The following TENM2 variants were observed in gnomAD, a reference collection of about 807,000 sequenced individuals.
TENM2 encodes the protein teneurin transmembrane protein 2.
TENM2 carries 52 observed loss-of-function variants against 245.2 expected under a neutral mutation model. The ratio of observed to expected loss-of-function variants is 0.21; its 90% CI spans 0.17 to 0.27. The LOEUF (loss-of-function observed/expected upper bound fraction) is 0.27. Ranked by LOEUF, TENM2 falls within the 10% of genes least tolerant of loss-of-function variation. The probability of loss-of-function intolerance (pLI) is 1.00; values close to 1 mark genes in which losing one functional copy is unlikely to be tolerated. For missense variants in TENM2, 3,046 were observed against 3,666.8 expected (o/e 0.83, Z 4.37); for synonymous variants, 1,363 against 1,438.9 (o/e 0.95, Z 1.19).
chr5:167,231,838 C>G, the TENM2 span, among the ~76,000 whole-genome samples: 1 of 151,652 alleles, frequency 6.6e-6, no homozygotes, highest in Non-Finnish European at 1.5e-5. Flanking sequence ...GAGATCTTCA[C>G]AGGCCTGGAG....
the TENM2 span, among the ~76,000 whole-genome samples, chr5:167,072,683 G>C: frequency 6.6e-6 from 1 of 152,198 alleles, no homozygotes; most frequent in Non-Finnish European, 1.5e-5. Flanking sequence ...TTTGCTCAGA[G>C]CAAGTTCTGT....
chr5:168,041,606 C>A (rs1788195711), intron 5 of TENM2, among the ~76,000 whole-genome samples: 1 of 152,188 alleles, frequency 6.6e-6, no homozygotes, highest in South Asian at 2.1e-4. Context: ...ATGCATCCCC[C>A]ACCTGCGAGT....
chr5:167,708,923 G>T (rs143694612), intron 2 of TENM2, among the ~76,000 whole-genome samples: 43 of 152,216 alleles, frequency 2.8e-4, no homozygotes, highest in African/African-American at 8.9e-4. Flanking sequence ...ATATTGTTAT[G>T]TGTGCTAAGA....
intron 10 of TENM2, among the ~76,000 whole-genome samples, chr5:168,120,914 A>T (rs931778844): frequency 1.3e-5 from 2 of 152,204 alleles, no homozygotes; most frequent in African/African-American, 4.8e-5. Context: ...TGCCCAAGAA[A>T]ATGAAAGGAT....
In TENM2 at chr5:167,380,544, C is replaced by A. The variant is rs1344537629; in HGVS notation, c.502+5071C>A. ...ATGGTCTTTAGTTATTTATATATTT[C>A]TTTCTTTCCTTTGGTAGTTTCTTTC... is the stretch of plus-strand genomic sequence containing the variant. On this transcript the variant is annotated intron_variant, in intron 2 of 28. Coordinates refer to ENST00000518659, the Ensembl canonical transcript of TENM2. Among the ~76,000 whole-genome samples the A allele has an allele frequency of 2.0e-5, 3 of 152,092 alleles. No individual in the cohort carries two copies. The East Asian group carries it at 5.8e-4, about 29-fold the overall frequency.
the TENM2 span, among the ~76,000 whole-genome samples, chr5:167,209,339 C>T: frequency 6.6e-6 from 1 of 151,520 alleles, no homozygotes; most frequent in Non-Finnish European, 1.5e-5. Flanking sequence ...TCTCGGCTCA[C>T]TGCAACCTCC....
At chr5:167,206,026 A>G in the TENM2 span, among the ~76,000 whole-genome samples, 1 of 152,162 alleles carries the variant, frequency 6.6e-6, no homozygotes, top group African/African-American at 2.4e-5. Context: ...TCCCAATTTC[A>G]CGGTCAAATG....
intron 3 of TENM2, among the ~76,000 whole-genome samples, chr5:167,881,705 G>A (rs1428173813): frequency 6.6e-6 from 1 of 152,152 alleles, no homozygotes; most frequent in African/African-American, 2.4e-5. Context: ...GGTTCCAGCT[G>A]CCTCTCTTCT....
the TENM2 span, among the ~76,000 whole-genome samples, chr5:167,064,336 G>A: frequency 6.6e-6 from 1 of 152,186 alleles, no homozygotes; most frequent in Non-Finnish European, 1.5e-5. Flanking sequence ...GTATGTTAAA[G>A]TGAAAAGGGT....
At chr5:168,209,129 ATAT>A (rs1185082421) in intron 19 of TENM2, among the ~76,000 whole-genome samples, 5 of 152,214 alleles carry the variant, frequency 3.3e-5, no homozygotes, top group Non-Finnish European at 2.9e-5. Context: ...AATTAGTTTC[ATAT>A]TATTGATAAA....
intron 4 of TENM2, among the ~76,000 whole-genome samples, chr5:167,973,884 G>A (rs1481574436): frequency 6.6e-6 from 1 of 151,670 alleles, no homozygotes; most frequent in South Asian, 2.1e-4. Flanking sequence ...TGTACACAAA[G>A]GCATGTTACG....
intron 5 of TENM2, among the ~76,000 whole-genome samples, chr5:168,012,940 G>A (rs1203246135): frequency 1.3e-5 from 2 of 152,066 alleles, no homozygotes; most frequent in Non-Finnish European, 2.9e-5. Context: ...GCCATTCCCA[G>A]CACTTTGGTT....
At chr5:167,864,529 A>G (rs1057425621) in intron 2 of TENM2, among the ~76,000 whole-genome samples, 57 of 152,344 alleles carry the variant, frequency 3.7e-4, no homozygotes, top group African/African-American at 1.3e-3. Flanking sequence ...AAGTTAGATG[A>G]CTTGCCCAAG....
At chr5:167,043,353 G>A in the TENM2 span, among the ~76,000 whole-genome samples, 15 of 152,300 alleles carry the variant, frequency 9.8e-5, no homozygotes, top group South Asian at 3.1e-3. Context: ...GCAATTTGCA[G>A]ATACAGTCAA....
intron 2 of TENM2, among the ~76,000 whole-genome samples, chr5:167,723,534 C>T (rs1759781858): frequency 6.6e-6 from 1 of 152,204 alleles, no homozygotes; most frequent in Non-Finnish European, 1.5e-5. Flanking sequence ...AGCCAAGGCT[C>T]TTATATCTAG....
chr5:168,201,916 C>G (rs1761972785), intron 17 of TENM2, among the ~76,000 whole-genome samples: 1 of 152,102 alleles, frequency 6.6e-6, no homozygotes, highest in Non-Finnish European at 1.5e-5. Context: ...TTGGCCTGTT[C>G]CTCTGTTCCC....
At chr5:167,348,001 GAGAAGTGA>G in intron 1 of TENM2, among the ~76,000 whole-genome samples, 1 of 152,186 alleles carries the variant, frequency 6.6e-6, no homozygotes, top group Non-Finnish European at 1.5e-5. Flanking sequence ...GAAGAGAGAA[GAGAAGTGA>G]TCGCATCCAA....
intron 4 of TENM2, among the ~76,000 whole-genome samples, chr5:167,988,806 T>A (rs751279779): frequency 7.2e-5 from 11 of 152,200 alleles, no homozygotes; most frequent in Non-Finnish European, 1.2e-4. Context: ...TTTGATGACA[T>A]GTGACCTAAG....
chr5:167,105,034 T>A, the TENM2 span, among the ~76,000 whole-genome samples: 1 of 152,218 alleles, frequency 6.6e-6, no homozygotes, highest in Admixed American at 6.5e-5. Context: ...TTGCTTTGAA[T>A]TATTTTAGAT....
Sources: gnomAD v4.1 joint callset for allele counts (sites outside exome capture counted in the v4.1 genomes callset) on GRCh38, gnomAD v4.1.1 for gene constraint, MANE v1.5 for transcripts, NCBI Gene and HGNC (gene_info 2026-07-23, HGNC 2026-07-21) for gene names.